The following KCNQ5 variants were observed in gnomAD, a reference collection of about 807,000 sequenced individuals.
The protein encoded by KCNQ5 is potassium voltage-gated channel subfamily KQT member 5.
A neutral mutation model predicts 98.2 loss-of-function variants in KCNQ5; 30 were observed. The ratio of observed to expected loss-of-function variants is 0.31; its 90% CI spans 0.23 to 0.41. The LOEUF (loss-of-function observed/expected upper bound fraction) is 0.41, where lower values mean the gene tolerates loss of function less well. Among genes scored for constraint, KCNQ5 ranks in the 10% least tolerant of loss-of-function variants. The probability of loss-of-function intolerance (pLI) is 1.00; values close to 1 mark genes in which losing one functional copy is unlikely to be tolerated. For synonymous variants in KCNQ5, 458 were observed against 449.4 expected, an observed-to-expected ratio of 1.02 and a Z score of -0.24; for missense variants, 835 against 1,182.5, an observed-to-expected ratio of 0.71 and a Z score of 4.31.
intron 1 of KCNQ5, among the ~76,000 whole-genome samples, chr6:72,800,875 C>T (rs1460157360): frequency 6.6e-5 from 10 of 152,054 alleles, no homozygotes; most frequent in Admixed American, 5.9e-4. Flanking sequence ...GCCTTCATTT[C>T]GTTATGTACC....
intron 1 of KCNQ5, among the ~76,000 whole-genome samples, chr6:72,804,140 C>T (rs1400858789): frequency 6.6e-6 from 1 of 152,060 alleles, no homozygotes; most frequent in Non-Finnish European, 1.5e-5. Context: ...ATAATCACAT[C>T]ACCTCAAGCA....
chr6:73,133,864 A>G (rs1279317210), intron 10 of KCNQ5: 2 of 678,950 alleles, frequency 2.9e-6, no homozygotes, highest in Non-Finnish European at 2.8e-6. Flanking sequence ...TTACATTCCA[A>G]AGAAGCTGAC....
chr6:73,184,517 C>G (rs1778501785), intron 11 of KCNQ5, among the ~76,000 whole-genome samples: 1 of 152,188 alleles, frequency 6.6e-6, no homozygotes. Context: ...TATGGAATAG[C>G]AAATCCTCAT....
intron 1 of KCNQ5, among the ~76,000 whole-genome samples, chr6:72,823,002 TG>T (rs1775824892): frequency 6.6e-6 from 1 of 152,112 alleles, no homozygotes; most frequent in South Asian, 2.1e-4. Context: ...GTGATCACAT[TG>T]GGCCCACCTT....
chr6:72,986,831 C>T, intron 1 of KCNQ5: 3 of 1,093,582 alleles, frequency 2.7e-6, no homozygotes, highest in Non-Finnish European at 4.2e-6. Context: ...AAAGGGGGCC[C>T]AGGACCCCAC....
At chr6:72,912,675 CTTT>C (rs569078440) in intron 1 of KCNQ5, among the ~76,000 whole-genome samples, 2 of 152,106 alleles carry the variant, frequency 1.3e-5, no homozygotes, top group Non-Finnish European at 2.9e-5. Context: ...TATTTATTTT[CTTT>C]TAAGTCTAGC....
chr6:73,173,252 G>A (rs3799279), intron 11 of KCNQ5, among the ~76,000 whole-genome samples: 5,043 of 152,226 alleles, frequency 0.033, 112 homozygotes, highest in East Asian at 0.1. Context: ...CTCACCTTTA[G>A]GAGTGAAGAT....
intron 11 of KCNQ5, among the ~76,000 whole-genome samples, chr6:73,178,430 TA>T (rs967486717): frequency 2.1e-5 from 3 of 145,600 alleles, no homozygotes; most frequent in Non-Finnish European, 4.5e-5. Context: ...CTACAAACAT[TA>T]AAAAAAAACA....
chr6:72,957,318 G>A (rs925176053), intron 1 of KCNQ5, among the ~76,000 whole-genome samples: 8 of 151,678 alleles, frequency 5.3e-5, no homozygotes, highest in South Asian at 4.2e-4. Flanking sequence ...TTACAGGCGC[G>A]CACCACCACA....
At chr6:72,807,814 A>G (rs939324287) in intron 1 of KCNQ5, among the ~76,000 whole-genome samples, 5 of 152,158 alleles carry the variant, frequency 3.3e-5, no homozygotes, top group African/African-American at 1.2e-4. Context: ...CCAAAGAATA[A>G]ATAATAATCA....
At chr6:73,071,300 A>G (rs987909752) in intron 3 of KCNQ5, among the ~76,000 whole-genome samples, 5 of 152,204 alleles carry the variant, frequency 3.3e-5, no homozygotes, top group African/African-American at 1.2e-4. Flanking sequence ...AGGCATCTTG[A>G]TATCAATCAC....
chr6:73,164,987 T>G (rs561478377), intron 10 of KCNQ5, among the ~76,000 whole-genome samples: 2 of 152,030 alleles, frequency 1.3e-5, no homozygotes, highest in African/African-American at 4.8e-5. Flanking sequence ...GGAATCTTTT[T>G]TTTTTTTAAG....
intron 1 of KCNQ5, among the ~76,000 whole-genome samples, chr6:72,983,112 T>C (rs1768554354): frequency 6.6e-6 from 1 of 152,238 alleles, no homozygotes; most frequent in South Asian, 2.1e-4. Context: ...TATTTTTTCC[T>C]TCATTTCAAC....
chr6:73,157,069 G>A (rs1001722137), intron 10 of KCNQ5, among the ~76,000 whole-genome samples: 1 of 152,222 alleles, frequency 6.6e-6, no homozygotes, highest in African/African-American at 2.4e-5. Flanking sequence ...CGGGGGCCAG[G>A]ACCTGTTGCT....
intron 1 of KCNQ5, among the ~76,000 whole-genome samples, chr6:72,966,405 C>CAA (rs534190653): frequency 5.3e-4 from 69 of 129,112 alleles, no homozygotes; most frequent in African/African-American, 1.3e-3. Context: ...TTAAAAATAA[C>CAA]AAAAAAAAAA....
At chr6:72,647,317 A>G (rs1765640021) in intron 1 of KCNQ5, among the ~76,000 whole-genome samples, 1 of 152,200 alleles carries the variant, frequency 6.6e-6, no homozygotes. Context: ...AAAGAATGCC[A>G]TTAGTTGGAG....
At chr6:72,926,071 G>A (rs1240003462) in intron 1 of KCNQ5, among the ~76,000 whole-genome samples, 1 of 152,156 alleles carries the variant, frequency 6.6e-6, no homozygotes, top group East Asian at 1.9e-4. Flanking sequence ...TGAGCATCAG[G>A]TGGATCCAGA....
At chr6:73,056,080 A>G (rs1393483267) in intron 3 of KCNQ5, among the ~76,000 whole-genome samples, 1 of 152,228 alleles carries the variant, frequency 6.6e-6, no homozygotes, top group Non-Finnish European at 1.5e-5. Flanking sequence ...TAAGCTGTGG[A>G]AAAGCCCCCC....
At chr6:73,012,943 G>A (rs930506727) in intron 2 of KCNQ5, among the ~76,000 whole-genome samples, 2 of 152,008 alleles carry the variant, frequency 1.3e-5, no homozygotes, top group Non-Finnish European at 2.9e-5. Context: ...CTTAGGACTG[G>A]GCCCAACAGA....
Sources: gnomAD v4.1 joint callset for allele counts (sites outside exome capture counted in the v4.1 genomes callset) on GRCh38, gnomAD v4.1.1 for gene constraint, MANE v1.5 for transcripts, NCBI Gene and HGNC (gene_info 2026-07-23, HGNC 2026-07-21) for gene names.